Variants in ACTR6 observed in about 807,000 individuals in gnomAD.
ACTR6 encodes the protein actin-related protein 6.
ACTR6 carries 50 observed loss-of-function variants against 52.5 expected under a neutral mutation model. That is an observed-to-expected ratio of 0.95 (90% CI 0.76 to 1.20). ACTR6 has a LOEUF of 1.20. ACTR6 is among the 50% of genes most tolerant of loss of function. The pLI is 0.00. For missense variants in ACTR6, 344 were observed against 472.4 expected (o/e 0.73, Z 2.52); for synonymous variants, 135 against 147.2 (o/e 0.92, Z 0.60).
chr12:100,202,837 G>A (rs1204956000), intron 1 of ACTR6, among the ~76,000 whole-genome samples: 1 of 146,892 alleles, frequency 6.8e-6, no homozygotes, highest in Non-Finnish European at 1.5e-5. Context: ...AGCCTGGGGC[G>A]ACAAAGCGAG....
At chr12:100,209,268 C>T (rs2096117806) in intron 4 of ACTR6, among the ~76,000 whole-genome samples, 1 of 152,160 alleles carries the variant, frequency 6.6e-6, no homozygotes, top group Admixed American at 6.6e-5. Flanking sequence ...TGTAGTGGCT[C>T]ATGCCTGTAA....
At position 100,218,637 on chromosome 12, in the gene ACTR6, C is replaced by T; in HGVS notation, c.922+51C>T. 8.1e-7 allele frequency: 1 copy of T among 1,239,606 alleles called. No homozygotes were observed. The highest frequency in any genetic ancestry group is 1.1e-6 in the Non-Finnish European group (1 of 949,860). The allele number at this position is 1,239,606 out of a possible 1,614,324, so 76.8% of individuals were successfully genotyped here. On this transcript the variant is annotated intron_variant, in intron 9 of 10. Coordinates refer to ENST00000188312, the MANE Select transcript of ACTR6 (RefSeq NM_022496.5). The surrounding 1 kb of genome is among the most constrained non-coding windows in gnomAD (Gnocchi z 4.2). The stretch of plus-strand genomic sequence containing the variant: ...AGAATTATAATTGTTTTAAAAACAT[C>T]ATAAGCCCTGTGAACCCTGTTTCCT...
At chr12:100,214,373 G>A (rs1374997607) in intron 8 of ACTR6, among the ~76,000 whole-genome samples, 2 of 151,810 alleles carry the variant, frequency 1.3e-5, no homozygotes, top group Admixed American at 6.6e-5. Flanking sequence ...TTGAGGTGAA[G>A]TATGAATCAG....
At chr12:100,204,324 C>T (rs2096112627) in intron 1 of ACTR6, 1 of 152,256 alleles carries the variant, frequency 6.6e-6, no homozygotes, top group Non-Finnish European at 1.5e-5. Context: ...ATGCTCATCA[C>T]CATGCCTGCC....
At chr12:100,205,782 T>A in intron 3 of ACTR6, 38 bp downstream of exon 3, 1 of 1,158,032 alleles carries the variant, frequency 8.6e-7, no homozygotes, top group Non-Finnish European at 1.2e-6. Flanking sequence ...TCTATTTCCA[T>A]GTTTAATTGT....
intron 6 of ACTR6, 63 bp from the exon 7 acceptor site, chr12:100,212,193 C>A: frequency 4.2e-6 from 5 of 1,199,106 alleles, no homozygotes; most frequent in South Asian, 3.4e-5. Context: ...AAAAAAATTT[C>A]AGATAATTAT....
chr12:100,201,532 C>A lies in ACTR6; in HGVS notation c.68+613C>A, dbSNP rs138689402. On this transcript the variant is annotated intron_variant, in intron 1 of 10. Coordinates refer to ENST00000188312, the MANE Select transcript of ACTR6 (RefSeq NM_022496.5). ...AATTAACAGAGCATTAAAAAAAATT[C>A]TTTCCTTCCTCCCTCCTTTCCTTCT... Among the ~76,000 whole-genome samples, 362 of 152,320 alleles carry A rather than the reference C, an allele frequency of 2.4e-3. 1 individual carries two copies. Among genetic ancestry groups the A allele is most frequent in the Non-Finnish European group, 3.9e-3 (265 of 68,020 alleles).
At chr12:100,207,124 G>A (rs2096115501) in intron 3 of ACTR6, among the ~76,000 whole-genome samples, 2 of 151,796 alleles carry the variant, frequency 1.3e-5, no homozygotes, top group South Asian at 4.2e-4. Flanking sequence ...CACAATCATG[G>A]CTCACTGCAG....
chr12:100,217,136 A>G (rs1186121157), intron 8 of ACTR6, among the ~76,000 whole-genome samples: 2 of 152,216 alleles, frequency 1.3e-5, no homozygotes, highest in Non-Finnish European at 2.9e-5. Flanking sequence ...TTACAGGGTT[A>G]TATGAGAGTT....
At position 100,205,027 on chromosome 12, in the gene ACTR6, T is replaced by G; in HGVS notation, c.156T>G (p.Ser52=). ...ANQIDEIKDP[S]GLFYILPFQK... is the part of the protein sequence containing the mutation. ...AGATAGATGAAATAAAAGACCCTTC[T>G]GGACTCTTTTACATCCTCCCTTTTC... The change falls in exon 2 of 11, where the codon TCT becomes TCG. Residue 52 remains serine (S), a synonymous_variant. Transcript: ENST00000188312. 1.2e-6 allele frequency: 2 copies of G among 1,605,876 alleles called. No homozygotes were observed. Among genetic ancestry groups the G allele is most frequent in the Non-Finnish European group, 1.7e-6 (2 of 1,173,602 alleles).
intron 10 of ACTR6, among the ~76,000 whole-genome samples, chr12:100,223,325 AGT>A (rs546027893): frequency 2.0e-3 from 305 of 151,992 alleles, no homozygotes; most frequent in Middle Eastern, 0.01. Flanking sequence ...TGGGCGATAG[AGT>A]GAGACTCCGT....
rs2096118710 is a variant in ACTR6 at position 100,210,211 on chromosome 12, G to A, written c.515+3G>A. 2 of 1,602,216 alleles carry A rather than the reference G, an allele frequency of 1.2e-6. No individual in the cohort carries two copies. The highest frequency in any genetic ancestry group is 1.7e-6 in the Non-Finnish European group (2 of 1,172,606). ...AAGAAAAAAGAAGCAATTATTCGGT[G>A]AGTTGTATTTAATTTTCATGTTGTT... is the stretch of plus-strand genomic sequence containing the variant. On this transcript the variant is annotated splice_donor_region_variant and intron_variant, in intron 5 of 10. Transcript: ENST00000188312.
chr12:100,215,702 A>G (rs1419094939), intron 8 of ACTR6, among the ~76,000 whole-genome samples: 3 of 152,248 alleles, frequency 2.0e-5, no homozygotes, highest in Non-Finnish European at 4.4e-5. Context: ...ATTTCGTTAA[A>G]ATGTACACCT....
At chr12:100,212,977 A>T (rs2096121059) in intron 8 of ACTR6, among the ~76,000 whole-genome samples, 1 of 143,168 alleles carries the variant, frequency 7.0e-6, no homozygotes. Flanking sequence ...ATTGCACTCC[A>T]GCCTGGGCAA....
intron 10 of ACTR6, among the ~76,000 whole-genome samples, chr12:100,221,013 C>CAA (rs371896409): frequency 0.016 from 1,577 of 100,510 alleles, 8 homozygotes; most frequent in Non-Finnish European, 0.022. Context: ...ACCCCCCTGG[C>CAA]AAAAAAAAAA....
chr12:100,215,922 C>G (rs191074855), intron 8 of ACTR6, among the ~76,000 whole-genome samples: 19 of 152,166 alleles, frequency 1.2e-4, no homozygotes, highest in African/African-American at 4.1e-4. Context: ...AAGTTACATA[C>G]TTGATTTTCT....
At chr12:100,202,129 C>T in intron 1 of ACTR6, among the ~76,000 whole-genome samples, 1 of 152,074 alleles carries the variant, frequency 6.6e-6, no homozygotes. Context: ...ACGGGGGTTT[C>T]ACCATTTTGG....
At chr12:100,205,508 T>A (rs1042635576) in intron 2 of ACTR6, 168 bp from the exon 3 acceptor site, 5 of 407,342 alleles carry the variant, frequency 1.2e-5, no homozygotes, top group African/African-American at 6.3e-5. Context: ...AATTTTTTTT[T>A]AAATTAAAAA....
chr12:100,221,569 T>C (rs1343230362), intron 10 of ACTR6: 1 of 152,074 alleles, frequency 6.6e-6, no homozygotes, highest in Non-Finnish European at 1.5e-5. Context: ...TATATATGTA[T>C]AAATATATGT....
Sources: allele counts gnomAD v4.1 joint callset (sites outside exome capture counted in the v4.1 genomes callset), GRCh38; gene constraint gnomAD v4.1.1; non-coding constraint Gnocchi (gnomAD v3.1); transcripts MANE v1.5; gene names NCBI Gene and HGNC (gene_info 2026-07-23, HGNC 2026-07-21).